The following SLC1A3 variants were observed in gnomAD, a reference collection of about 807,000 sequenced individuals.
The protein encoded by SLC1A3 is solute carrier family 1 member 3, also known as excitatory amino acid transporter 1.
In SLC1A3, 21 loss-of-function variants were observed where a neutral mutation model predicts 48.1. That is an observed-to-expected ratio of 0.44 (90% CI 0.31 to 0.63). The LOEUF (loss-of-function observed/expected upper bound fraction) is 0.63, where lower values mean the gene tolerates loss of function less well. Ranked by LOEUF, SLC1A3 falls within the 20% of genes least tolerant of loss-of-function variation. The pLI is 0.08. For synonymous variants in SLC1A3, 239 were observed against 251.4 expected (o/e 0.95, Z 0.47); for missense variants, 546 against 689.0 (o/e 0.79, Z 2.32).
intron 3 of SLC1A3, among the ~76,000 whole-genome samples, chr5:36,655,147 A>G (rs1741237290): frequency 6.6e-6 from 1 of 152,178 alleles, no homozygotes; most frequent in South Asian, 2.1e-4. Context: ...AGTGTGGTCT[A>G]TGTGAATCTA....
At chr5:36,615,149 G>A (rs182439521) in intron 2 of SLC1A3, among the ~76,000 whole-genome samples, 14 of 152,282 alleles carry the variant, frequency 9.2e-5, no homozygotes, top group African/African-American at 3.4e-4. Context: ...TGTCTGGGAC[G>A]CAGCTAAGAA....
chr5:36,626,825 C>T (rs1739923638), intron 2 of SLC1A3, among the ~76,000 whole-genome samples: 1 of 152,138 alleles, frequency 6.6e-6, no homozygotes, highest in South Asian at 2.1e-4. Flanking sequence ...AAATAATGCA[C>T]ATTGTAAATC....
At chr5:36,618,389 C>A (rs893252366) in intron 2 of SLC1A3, among the ~76,000 whole-genome samples, 2 of 152,094 alleles carry the variant, frequency 1.3e-5, no homozygotes, top group Non-Finnish European at 1.5e-5. Flanking sequence ...GTGTCAAAGG[C>A]GCTTAGAAAT....
At position 36,684,017 on chromosome 5, in the gene SLC1A3, C is replaced by A; in HGVS notation, c.1424+19C>A. 3.1e-6 allele frequency: 5 copies of A among 1,614,088 alleles called. No homozygotes were observed. The highest frequency in any genetic ancestry group is 8.5e-7 in the Non-Finnish European group (1 of 1,179,946). ...GGTTCCTGTGAGTATGCTTGGCCTG[C>A]ATTCCAGCTCACTGTCACAGGGTCC... On this transcript the variant is annotated intron_variant, in intron 9 of 9. Transcript: ENST00000265113.
chr5:36,637,210 C>T (rs964125058), intron 3 of SLC1A3, among the ~76,000 whole-genome samples: 4 of 152,180 alleles, frequency 2.6e-5, no homozygotes, highest in African/African-American at 9.7e-5. Flanking sequence ...AGATCCAATC[C>T]TCTATTAATG....
At chr5:36,677,474 A>C (rs1440899994) in intron 6 of SLC1A3, among the ~76,000 whole-genome samples, 3 of 152,318 alleles carry the variant, frequency 2.0e-5, no homozygotes, top group South Asian at 4.1e-4. Flanking sequence ...TTTTTCATTC[A>C]AGACATAATT....
At chr5:36,635,392 G>C (rs1740299802) in intron 3 of SLC1A3, among the ~76,000 whole-genome samples, 1 of 152,204 alleles carries the variant, frequency 6.6e-6, no homozygotes, top group Non-Finnish European at 1.5e-5. Flanking sequence ...GAAAATTCTA[G>C]AGCAAGAAGA....
In SLC1A3 at chr5:36,608,785, T is replaced by C. The variant is rs1264246019; in HGVS notation, c.181+181T>C. On this transcript the variant is annotated intron_variant, in intron 2 of 9. Transcript: ENST00000265113. ...GTTTTGGCTTGTTTGGAGCAATATATAGTAAACACATCATTAGGCATCATT... is the reference window on the plus strand; with the variant it reads ...GTTTTGGCTTGTTTGGAGCAATATACAGTAAACACATCATTAGGCATCATT... 25 of 1,418,610 alleles carry C rather than the reference T, an allele frequency of 1.8e-5. No homozygotes were observed. The South Asian group carries it at 4.0e-4, about 23-fold the overall frequency. The allele number at this position is 1,418,610 out of a possible 1,614,324, so 87.9% of individuals were successfully genotyped here. A position where few individuals can be genotyped will look rare whatever the true frequency, so the allele number is the denominator to read the frequency against.
upstream of SLC1A3, among the ~76,000 whole-genome samples, chr5:36,603,876 T>A (rs761249880): frequency 5.9e-5 from 9 of 152,312 alleles, no homozygotes; most frequent in Non-Finnish European, 8.8e-5. Flanking sequence ...TTGGAAAATA[T>A]TGAAAAAAGA....
intron 4 of SLC1A3, among the ~76,000 whole-genome samples, chr5:36,672,280 T>C (rs1450899478): frequency 6.6e-6 from 1 of 151,848 alleles, no homozygotes; most frequent in Non-Finnish European, 1.5e-5. Flanking sequence ...CTAATAGGAG[T>C]AGGAAGCCAG....
Position 36,676,877 on chromosome 5 carries a change from C to T in SLC1A3, c.568-15C>T. On this transcript the variant is annotated splice_polypyrimidine_tract_variant and intron_variant, in intron 5 of 9. Transcript: ENST00000265113. The stretch of plus-strand genomic sequence containing the variant: ...AAAATCACCTTTAATCCTCGTTGTG[C>T]TTTTTATTTTTAAGTTTAAAACCAA... 1 of 1,601,468 alleles carries T rather than the reference C, an allele frequency of 6.2e-7. No individual in the cohort carries two copies. The highest frequency in any genetic ancestry group is 8.5e-7 in the Non-Finnish European group (1 of 1,171,482).
chr5:36,605,265 A>T (rs1241681127), upstream of SLC1A3, among the ~76,000 whole-genome samples: 2 of 152,204 alleles, frequency 1.3e-5, no homozygotes, highest in Non-Finnish European at 2.9e-5. Flanking sequence ...GTGCTAAACA[A>T]TGTAGTATAG....
intron 3 of SLC1A3, among the ~76,000 whole-genome samples, chr5:36,638,549 C>T (rs1036037816): frequency 1.3e-5 from 2 of 152,196 alleles, no homozygotes; most frequent in Non-Finnish European, 2.9e-5. Context: ...ACATTACCAG[C>T]ACATGCTGTC....
chr5:36,620,905 C>G (rs977714493), intron 2 of SLC1A3, among the ~76,000 whole-genome samples: 2 of 151,290 alleles, frequency 1.3e-5, no homozygotes, highest in Non-Finnish European at 2.9e-5. Flanking sequence ...GACATTTGAG[C>G]TAGGTCTTTT....
At chr5:36,661,182 C>A (rs773495431) in intron 3 of SLC1A3, among the ~76,000 whole-genome samples, 2 of 152,194 alleles carry the variant, frequency 1.3e-5, no homozygotes, top group Admixed American at 6.5e-5. Flanking sequence ...GAGGTCCAGG[C>A]GGGCGGATCA....
chr5:36,675,490 G>A (rs1376264792), intron 5 of SLC1A3, among the ~76,000 whole-genome samples: 1 of 152,162 alleles, frequency 6.6e-6, no homozygotes, highest in Non-Finnish European at 1.5e-5. Context: ...GCATTCACAG[G>A]ATTTTGAAGG....
At chr5:36,661,273 G>A (rs560148817) in intron 3 of SLC1A3, among the ~76,000 whole-genome samples, 2 of 152,244 alleles carry the variant, frequency 1.3e-5, no homozygotes, top group African/African-American at 4.8e-5. Context: ...TTAGCCAAGC[G>A]TGGTGGTGGG....
intron 3 of SLC1A3, among the ~76,000 whole-genome samples, chr5:36,670,612 G>T (rs1261487771): frequency 6.6e-6 from 1 of 152,096 alleles, no homozygotes; most frequent in Non-Finnish European, 1.5e-5. Context: ...GGTAAACTTA[G>T]ATTATCCTGC....
intron 2 of SLC1A3, among the ~76,000 whole-genome samples, chr5:36,615,772 G>A (rs755119432): frequency 6.6e-6 from 1 of 152,218 alleles, no homozygotes; most frequent in East Asian, 1.9e-4. Context: ...GATATTTATG[G>A]AACACTAGGA....
Sources: allele counts gnomAD v4.1 joint callset (sites outside exome capture counted in the v4.1 genomes callset), GRCh38; gene constraint gnomAD v4.1.1; transcripts MANE v1.5; gene names NCBI Gene and HGNC (gene_info 2026-07-23, HGNC 2026-07-21).